The following SHD variants were observed in gnomAD, a reference collection of about 807,000 sequenced individuals.
SHD encodes SH2 domain-containing adapter protein D.
A neutral mutation model predicts 31.2 loss-of-function variants in SHD; 29 were observed. The observed-to-expected ratio is 0.93, with a 90% CI of 0.69 to 1.27. The LOEUF (loss-of-function observed/expected upper bound fraction) is 1.27. Among genes scored for constraint, SHD ranks in the 50% most tolerant of loss-of-function variants. The pLI, the probability that SHD is intolerant of heterozygous loss-of-function variation, is 0.00. For synonymous variants in SHD, 208 were observed against 187.8 expected, an observed-to-expected ratio of 1.11 and a Z score of -0.88; for missense variants, 520 against 453.8, an observed-to-expected ratio of 1.15 and a Z score of -1.33.
Position 4,290,699 on chromosome 19 carries a change from C to T in SHD, c.*66C>T. The T allele has an allele frequency of 6.9e-7, 1 of 1,454,084 alleles. No homozygotes were observed. The highest frequency in any genetic ancestry group is 2.4e-5 in the East Asian group (1 of 41,750). The allele number at this position is 1,454,084 out of a possible 1,614,324, so 90.1% of individuals were successfully genotyped here. A position where few individuals can be genotyped will look rare whatever the true frequency, so the allele number is the denominator to read the frequency against. ...TCGTATCCCAAAGCCCTCCCATGGC[C>T]TAGAAAATAAATAAGTTATTGTTTG... On this transcript the variant is annotated 3_prime_UTR_variant, in exon 6 of 6. Coordinates refer to ENST00000543264, the MANE Select transcript of SHD (RefSeq NM_020209.4).
At chr19:4,284,232 C>T (rs1314005758) in intron 3 of SHD, among the ~76,000 whole-genome samples, 2 of 151,924 alleles carry the variant, frequency 1.3e-5, no homozygotes, top group African/African-American at 2.4e-5. Flanking sequence ...AACCTGGAGG[C>T]GGAGGTTGCG....
rs757509968 is a variant in SHD at position 4,282,898 on chromosome 19, C to G, written c.326C>G (p.Pro109Arg). 2 of 1,614,022 alleles carry G rather than the reference C, an allele frequency of 1.2e-6. No individual in the cohort carries two copies. The highest frequency in any genetic ancestry group is 1.7e-6 in the Non-Finnish European group (2 of 1,180,006). ...ELEADTEYLD[P>R]FDAQPHPAPP... Reference sequence around the variant, plus strand: ...GAAGCCGACACTGAGTATTTAGACCCCTTTGATGCTCAGCCTCATCCTGCA... The same window carrying G: ...GAAGCCGACACTGAGTATTTAGACCGCTTTGATGCTCAGCCTCATCCTGCA... The change falls in exon 2 of 6, where the codon CCC becomes CGC. Residue 109 changes from proline (P) to arginine (R), a missense_variant. Pro to Arg is a moderately radical substitution (Grantham distance 103). Transcript: ENST00000543264.
chr19:4,288,686 A>G (rs1277168623), intron 5 of SHD, among the ~76,000 whole-genome samples: 1 of 152,148 alleles, frequency 6.6e-6, no homozygotes, highest in African/African-American at 2.4e-5. Flanking sequence ...AGGTATATCA[A>G]TTTGTGTCCA....
chr19:4,284,076 G>A (rs897320034), intron 3 of SHD, among the ~76,000 whole-genome samples: 2 of 151,794 alleles, frequency 1.3e-5, no homozygotes, highest in Admixed American at 6.6e-5. Context: ...GGCCGAGGCG[G>A]GTGGATCGTT....
chr19:4,284,212 G>GA (rs1971285505), intron 3 of SHD, among the ~76,000 whole-genome samples: 2 of 152,056 alleles, frequency 1.3e-5, no homozygotes, highest in African/African-American at 4.8e-5. Flanking sequence ...TGAGGTAGGA[G>GA]AATTGCTTGA....
At chr19:4,286,864 GT>G (rs903568553) in intron 4 of SHD, among the ~76,000 whole-genome samples, 1 of 151,532 alleles carries the variant, frequency 6.6e-6, no homozygotes, top group Non-Finnish European at 1.5e-5. Context: ...TGGCGACAGA[GT>G]GAGACTCCAT....
intron 1 of SHD, among the ~76,000 whole-genome samples, chr19:4,282,454 G>A (rs983548355): frequency 4.6e-5 from 7 of 150,602 alleles, no homozygotes; most frequent in African/African-American, 1.5e-4. Context: ...AGCTGGGCGC[G>A]GTTGCTCACG....
chr19:4,280,880 C>T (rs1256161623), intron 1 of SHD, among the ~76,000 whole-genome samples: 2 of 151,950 alleles, frequency 1.3e-5, no homozygotes, highest in South Asian at 2.1e-4. Flanking sequence ...CCTCTCTGAC[C>T]ACCCTGCTTG....
rs562344697 is a variant in SHD, at chr19:4,279,825, C to T, written c.-239C>T. The T allele has an allele frequency of 1.8e-6, 1 of 549,030 alleles. No homozygotes were observed. Among genetic ancestry groups the T allele is most frequent in the Admixed American group, 3.5e-5 (1 of 28,322 alleles). 34.0% of individuals were successfully genotyped at this position (549,030 alleles called of 1,614,324 possible). A position where few individuals can be genotyped will look rare whatever the true frequency, so the allele number is the denominator to read the frequency against. ...CCCTTCCCCCGCGGTGCTTCCCAAG[C>T]TGGGCTAAGGCGGGCTTCTCTTCCT... On this transcript the variant is annotated 5_prime_UTR_variant, in exon 1 of 6. Transcript: ENST00000543264. The surrounding 1 kb of genome is among the most constrained non-coding windows in gnomAD (Gnocchi z 7.5).
chr19:4,288,500 G>C, intron 5 of SHD, 138 bp downstream of exon 5: 1 of 1,067,436 alleles, frequency 9.4e-7, no homozygotes, highest in South Asian at 1.7e-5. Context: ...GGGACTTCTA[G>C]GAGAAGGGGT....
In SHD at chr19:4,280,195, C is replaced by G. The variant is rs202201901; in HGVS notation, c.132C>G (p.Asp44Glu). ...YRAQKNLDFE[D>E]PYEDAESRLE... ...CGCAGAAGAACCTGGACTTCGAGGACCCCTATGAGGACGCGGAGAGCCGCT... is the reference window on the plus strand; with the variant it reads ...CGCAGAAGAACCTGGACTTCGAGGAGCCCTATGAGGACGCGGAGAGCCGCT... The change falls in exon 1 of 6, where the codon GAC becomes GAG. Residue 44 changes from aspartate (D) to glutamate (E), a missense_variant. Coordinates refer to ENST00000543264, the MANE Select transcript of SHD (RefSeq NM_020209.4). 26 of 1,613,918 alleles carry G rather than the reference C, an allele frequency of 1.6e-5. No individual in the cohort carries two copies. The highest frequency in any genetic ancestry group is 2.0e-5 in the Non-Finnish European group (24 of 1,179,992).
chr19:4,282,868 A>T lies in SHD; in HGVS notation c.298-2A>T, dbSNP rs1368315413. The T allele has an allele frequency of 2.5e-6, 4 of 1,613,740 alleles. No homozygotes were observed. Among genetic ancestry groups the T allele is most frequent in the African/African-American group, 1.3e-5 (1 of 74,876 alleles). On this transcript the variant is annotated splice_acceptor_variant, in intron 1 of 5. Transcript: ENST00000543264. LOFTEE classifies it high-confidence loss of function. ...GTCTTCTCCCCTTCCTTCTCTCCGC[A>T]GCTGGAAGCCGACACTGAGTATTTA... is the stretch of plus-strand genomic sequence containing the variant.
chr19:4,281,790 G>T (rs1971259463), intron 1 of SHD, among the ~76,000 whole-genome samples: 2 of 152,142 alleles, frequency 1.3e-5, no homozygotes, highest in East Asian at 1.9e-4. Context: ...TAAGACGTTG[G>T]TAAGAAGAGC....
chr19:4,288,104 C>A (rs1308588674), intron 4 of SHD, 139 bp from the exon 5 acceptor site: 2 of 948,342 alleles, frequency 2.1e-6, no homozygotes, highest in Non-Finnish European at 2.9e-6. Context: ...GGGGTTTCAC[C>A]ATGTTAGGGA....
chr19:4,286,066 A>G (rs575280130), intron 4 of SHD, among the ~76,000 whole-genome samples: 1 of 149,324 alleles, frequency 6.7e-6, no homozygotes, highest in South Asian at 2.1e-4. Flanking sequence ...TAATTTTTGT[A>G]TTTTTAGTAG....
At chr19:4,283,384 A>AT in intron 3 of SHD, 142 bp downstream of exon 3, 3 of 888,872 alleles carry the variant, frequency 3.4e-6, no homozygotes, top group South Asian at 3.6e-5. Flanking sequence ...TAGAGTGTGA[A>AT]TGACTGATAG....
chr19:4,280,168 C>G lies in SHD; in HGVS notation c.105C>G (p.Arg35=), dbSNP rs1284239891. Residue 35 remains arginine, a synonymous_variant, in exon 1 of 6, where the codon CGC becomes CGG. Transcript: ENST00000543264. ...AGAGCGACATCCTGAGGGCCTACCG[C>G]GCGCAGAAGAACCTGGACTTCGAGG... ...YTESDILRAY[R]AQKNLDFEDP... 6.2e-7 allele frequency: 1 copy of G among 1,613,928 alleles called. No homozygotes were observed. Among genetic ancestry groups the G allele is most frequent in the Non-Finnish European group, 8.5e-7 (1 of 1,180,002 alleles).
intron 4 of SHD, among the ~76,000 whole-genome samples, chr19:4,285,197 C>T (rs1396172626): frequency 6.6e-6 from 1 of 152,190 alleles, no homozygotes; most frequent in Non-Finnish European, 1.5e-5. Flanking sequence ...CACTTAACCT[C>T]TCTGAGCCTC....
At chr19:4,285,901 T>TTTTTTTG (rs1469772839) in intron 4 of SHD, among the ~76,000 whole-genome samples, 1 of 132,792 alleles carries the variant, frequency 7.5e-6, no homozygotes, top group Non-Finnish European at 1.6e-5. Flanking sequence ...TTTTTTTTTT[T>TTTTTTTG]TTTTTTTTTG....
Sources: gnomAD v4.1 joint callset for allele counts (sites outside exome capture counted in the v4.1 genomes callset) on GRCh38, gnomAD v4.1.1 for gene constraint, Gnocchi (gnomAD v3.1) non-coding constraint, MANE v1.5 for transcripts, NCBI Gene and HGNC (gene_info 2026-07-23, HGNC 2026-07-21) for gene names.